Variants in DNAH9 observed in about 807,000 individuals in gnomAD.
DNAH9 encodes dynein axonemal heavy chain 9, also known as DNAH9 variant protein.
DNAH9 carries 345 observed loss-of-function variants against 471.6 expected under a neutral mutation model. The observed-to-expected ratio is 0.73, with a 90% CI of 0.67 to 0.80. The LOEUF (loss-of-function observed/expected upper bound fraction) is 0.80, where lower values mean the gene tolerates loss of function less well. Among genes scored for constraint, DNAH9 ranks in the 30% least tolerant of loss-of-function variants. DNAH9 has a pLI of 0.00. For missense variants in DNAH9, 5,407 were observed against 5,609.2 expected, an observed-to-expected ratio of 0.96 and a Z score of 1.15; for synonymous variants, 2,093 against 2,123.6, an observed-to-expected ratio of 0.99 and a Z score of 0.40.
chr17:11,758,848 A>G (rs373973418), intron 35 of DNAH9, among the ~76,000 whole-genome samples: 19 of 152,244 alleles, frequency 1.2e-4, no homozygotes, highest in African/African-American at 4.3e-4. Context: ...TAGTTTTTCT[A>G]TTTCAGGGTC....
chr17:11,933,374 C>A (rs1419489891), intron 64 of DNAH9, among the ~76,000 whole-genome samples: 3 of 148,966 alleles, frequency 2.0e-5, no homozygotes, highest in Non-Finnish European at 4.5e-5. Flanking sequence ...ATTCTTCAAG[C>A]TTTTTTTTTT....
intron 41 of DNAH9, among the ~76,000 whole-genome samples, chr17:11,792,514 A>G (rs758707137): frequency 6.6e-6 from 1 of 152,220 alleles, no homozygotes; most frequent in Non-Finnish European, 1.5e-5. Flanking sequence ...TCCACCTTTC[A>G]GTAAAATAAA....
At chr17:11,967,266 C>T (rs996138771) in intron 68 of DNAH9, among the ~76,000 whole-genome samples, 19 of 151,670 alleles carry the variant, frequency 1.3e-4, no homozygotes, top group African/African-American at 2.4e-4. Context: ...CCACCATGCC[C>T]GGCTAACTTT....
intron 35 of DNAH9, 36 bp from the exon 36 acceptor site, chr17:11,763,402 CCT>C: frequency 6.3e-7 from 1 of 1,586,170 alleles, no homozygotes; most frequent in Non-Finnish European, 8.6e-7. Context: ...AATGGAATAT[CCT>C]CTGTGTTTCA....
chr17:11,818,408 A>G (rs941083393), intron 45 of DNAH9, among the ~76,000 whole-genome samples: 6 of 151,412 alleles, frequency 4.0e-5, no homozygotes, highest in African/African-American at 1.5e-4. Context: ...CAGCCTGGTG[A>G]CAGAGCAAGA....
chr17:11,853,908 T>C, intron 49 of DNAH9, 95 bp from the exon 50 acceptor site: 1 of 1,256,484 alleles, frequency 8.0e-7, no homozygotes, highest in Non-Finnish European at 1.1e-6. Flanking sequence ...AAGCAGCCCT[T>C]TCAAACCGAT....
chr17:11,720,264 T>A (rs530134087), intron 27 of DNAH9, among the ~76,000 whole-genome samples: 1 of 152,264 alleles, frequency 6.6e-6, no homozygotes, highest in African/African-American at 2.4e-5. Context: ...TTTTTTTAAT[T>A]ATACTTTAAG....
chr17:11,933,840 G>T, intron 64 of DNAH9, 40 bp from the exon 65 acceptor site: 1 of 1,580,220 alleles, frequency 6.3e-7, no homozygotes. Flanking sequence ...CTGTGTGGAG[G>T]TCTTTCTTCC....
At chr17:11,608,429 C>G in intron 2 of DNAH9, 104 bp downstream of exon 2, 1 of 887,666 alleles carries the variant, frequency 1.1e-6, no homozygotes, top group Non-Finnish European at 1.7e-6. Flanking sequence ...TGCACATCTC[C>G]TCGTTCTGCA....
At chr17:11,693,347 T>G (rs558843070) in intron 20 of DNAH9, among the ~76,000 whole-genome samples, 5 of 145,640 alleles carry the variant, frequency 3.4e-5, no homozygotes, top group Non-Finnish European at 7.4e-5. Context: ...ACCCTCCAGG[T>G]TCAAGCGATT....
intron 28 of DNAH9, among the ~76,000 whole-genome samples, chr17:11,730,822 A>ATGATGG (rs1207895878): frequency 6.6e-6 from 1 of 151,832 alleles, no homozygotes; most frequent in Non-Finnish European, 1.5e-5. Context: ...AATTATGCTA[A>ATGATGG]TGATGGTGAT....
At chr17:11,953,959 T>C (rs1413284333) in intron 67 of DNAH9, 1 of 152,076 alleles carries the variant, frequency 6.6e-6, no homozygotes, top group African/African-American at 2.4e-5. Context: ...AAATACAATA[T>C]TGATATGAAA....
intron 49 of DNAH9, 91 bp downstream of exon 49, chr17:11,834,989 G>A (rs1970801305): frequency 1.3e-6 from 2 of 1,495,472 alleles, no homozygotes; most frequent in Non-Finnish European, 1.8e-6. Flanking sequence ...CAAGGACAAT[G>A]TTGGGAGAGT....
chr17:11,959,634 T>G (rs1190568031), intron 67 of DNAH9, among the ~76,000 whole-genome samples: 1 of 152,182 alleles, frequency 6.6e-6, no homozygotes, highest in Non-Finnish European at 1.5e-5. Context: ...AGCAGATCCT[T>G]AGGGAAATCT....
At chr17:11,718,741 G>T (rs538682922) in intron 26 of DNAH9, among the ~76,000 whole-genome samples, 2 of 152,242 alleles carry the variant, frequency 1.3e-5, no homozygotes, top group South Asian at 2.1e-4. Flanking sequence ...CTACCTTCAT[G>T]AACCCTATGA....
At chr17:11,764,988 A>G (rs1681319396) in intron 36 of DNAH9, among the ~76,000 whole-genome samples, 1 of 152,216 alleles carries the variant, frequency 6.6e-6, no homozygotes. Flanking sequence ...TAAAAGCAAA[A>G]AAGAACATGA....
chr17:11,730,505 C>T (rs2075239297), intron 28 of DNAH9, among the ~76,000 whole-genome samples: 1 of 152,126 alleles, frequency 6.6e-6, no homozygotes, highest in African/African-American at 2.4e-5. Flanking sequence ...TTTGGCTGGT[C>T]ACTTCACAAC....
At chr17:11,904,630 C>CAAAAAAAAAAAAAA (rs202059757) in intron 60 of DNAH9, among the ~76,000 whole-genome samples, 3 of 111,490 alleles carry the variant, frequency 2.7e-5, no homozygotes, top group African/African-American at 1.0e-4. Context: ...GACTCCATCT[C>CAAAAAAAAAAAAAA]AAAAAAAAAA....
chr17:11,746,732 A>C (rs1966894217), intron 31 of DNAH9, among the ~76,000 whole-genome samples: 1 of 152,198 alleles, frequency 6.6e-6, no homozygotes, highest in Non-Finnish European at 1.5e-5. Flanking sequence ...TTGTCAGCTA[A>C]ATTGGATATT....
Sources: gnomAD v4.1 joint callset for allele counts (sites outside exome capture counted in the v4.1 genomes callset) on GRCh38, gnomAD v4.1.1 for gene constraint, MANE v1.5 for transcripts, NCBI Gene and HGNC (gene_info 2026-07-23, HGNC 2026-07-21) for gene names.